The following HORMAD2 variants were observed in gnomAD, a reference collection of about 807,000 sequenced individuals.
The protein encoded by HORMAD2 is HORMA domain containing 2.
A neutral mutation model predicts 38.8 loss-of-function variants in HORMAD2; 45 were observed. The observed-to-expected ratio is 1.16, with a 90% CI of 0.91 to 1.49. The LOEUF is 1.49. Ranked by LOEUF, HORMAD2 falls within the 40% of genes most tolerant of loss-of-function variation. The pLI is 0.00. For missense variants in HORMAD2, 338 were observed against 367.0 expected, an observed-to-expected ratio of 0.92 and a Z score of 0.65; for synonymous variants, 126 against 122.8, an observed-to-expected ratio of 1.03 and a Z score of -0.17.
chr22:30,154,677 T>A (rs568261290), intron 10 of HORMAD2, among the ~76,000 whole-genome samples: 1 of 152,320 alleles, frequency 6.6e-6, no homozygotes, highest in African/African-American at 2.4e-5. Flanking sequence ...CCTTGACATG[T>A]TTTAATAGAA....
intron 6 of HORMAD2, 114 bp from the exon 7 acceptor site, chr22:30,112,382 A>C: frequency 1.6e-6 from 1 of 621,308 alleles, no homozygotes; most frequent in Admixed American, 3.5e-5. Flanking sequence ...CTTAAAATAT[A>C]TGTCTGTACT....
chr22:30,120,371 A>T (rs186718646), intron 8 of HORMAD2, among the ~76,000 whole-genome samples: 1 of 152,334 alleles, frequency 6.6e-6, no homozygotes, highest in East Asian at 1.9e-4. Context: ...AAAGGAGCTA[A>T]TGTATTCACT....
At position 30,121,741 on chromosome 22, in the gene HORMAD2, C is replaced by T; in HGVS notation, c.520C>T (p.Leu174Phe). 6.2e-7 allele frequency: 1 copy of T among 1,612,710 alleles called. No homozygotes were observed. Among genetic ancestry groups the T allele is most frequent in the Non-Finnish European group, 8.5e-7 (1 of 1,179,294 alleles). Reference sequence around the variant, plus strand: ...TATACTGATGCAGGACCTTGAGCCACTTCCTAATAATGTTGTACTTACTAT... The same window carrying T: ...TATACTGATGCAGGACCTTGAGCCATTTCCTAATAATGTTGTACTTACTAT... ...LYILMQDLEPLPNNVVLTMKL... is the reference protein window; with the variant it reads ...LYILMQDLEPFPNNVVLTMKL... The change falls in exon 9 of 11, where the codon CTT becomes TTT. Residue 174 changes from leucine to phenylalanine, a missense_variant. Leu to Phe is a conservative substitution (Grantham distance 22). Coordinates refer to ENST00000336726, the MANE Select transcript of HORMAD2 (RefSeq NM_152510.4).
downstream of HORMAD2, among the ~76,000 whole-genome samples, chr22:30,179,274 G>A (rs1185333960): frequency 6.6e-6 from 1 of 152,150 alleles, no homozygotes; most frequent in African/African-American, 2.4e-5. Flanking sequence ...TAAGAGTTAA[G>A]TCAAGGTCTG....
intron 3 of HORMAD2, among the ~76,000 whole-genome samples, chr22:30,101,865 A>G (rs1920948465): frequency 6.6e-6 from 1 of 152,108 alleles, no homozygotes. Flanking sequence ...CTAGGAATCC[A>G]AGACCAGCCT....
downstream of HORMAD2, among the ~76,000 whole-genome samples, chr22:30,177,466 G>C (rs1926519626): frequency 6.6e-6 from 1 of 152,186 alleles, no homozygotes. Context: ...AGGCAAGGAG[G>C]AGCATTTCCC....
chr22:30,189,305 C>G, the HORMAD2 span, among the ~76,000 whole-genome samples: 4 of 143,516 alleles, frequency 2.8e-5, no homozygotes, highest in African/African-American at 9.8e-5. Context: ...ACCACTTCAT[C>G]CAGATTCCAA....
intron 5 of HORMAD2, among the ~76,000 whole-genome samples, chr22:30,110,351 C>CA (rs1238364157): frequency 6.9e-6 from 1 of 145,704 alleles, no homozygotes; most frequent in African/African-American, 2.5e-5. Context: ...CTTTATAATG[C>CA]AAAAAAATTG....
At chr22:30,089,827 C>G (rs2068649323) in intron 1 of HORMAD2, among the ~76,000 whole-genome samples, 1 of 152,168 alleles carries the variant, frequency 6.6e-6, no homozygotes, top group Non-Finnish European at 1.5e-5. Context: ...CTATCCATTT[C>G]TAAAACCTTC....
At chr22:30,205,204 C>A in the HORMAD2 span, among the ~76,000 whole-genome samples, 1 of 152,156 alleles carries the variant, frequency 6.6e-6, no homozygotes, top group Admixed American at 6.5e-5. Flanking sequence ...ACCCACTTTA[C>A]AGATAGAATA....
intron 1 of HORMAD2, among the ~76,000 whole-genome samples, chr22:30,080,744 A>G (rs576408358): frequency 5.9e-5 from 9 of 152,154 alleles, no homozygotes; most frequent in Admixed American, 1.3e-4. Context: ...GTAGTTTTGA[A>G]ATTCAGATTT....
At chr22:30,129,236 AAAAAAAAAAAAAAAAAAAAAG>A (rs1233216214) in intron 10 of HORMAD2, among the ~76,000 whole-genome samples, 2,466 of 81,482 alleles carry the variant, frequency 0.03, 200 homozygotes, top group African/African-American at 0.086. Context: ...AAAAAAAAAA[AAAAAAAAAAAAAAAAAAAAAG>A]AGAGAGAGAG....
At chr22:30,123,363 C>T (rs889108898) in intron 10 of HORMAD2, among the ~76,000 whole-genome samples, 5 of 152,128 alleles carry the variant, frequency 3.3e-5, no homozygotes, top group Admixed American at 2.0e-4. Context: ...GAGACAGGGT[C>T]TCGCTCTGTT....
intron 10 of HORMAD2, among the ~76,000 whole-genome samples, chr22:30,126,559 C>T (rs1922881002): frequency 6.6e-6 from 1 of 152,102 alleles, no homozygotes; most frequent in Non-Finnish European, 1.5e-5. Flanking sequence ...TTTATTCATT[C>T]TATTGTTAAT....
chr22:30,157,101 C>T (rs551038669), intron 10 of HORMAD2, among the ~76,000 whole-genome samples: 2 of 152,344 alleles, frequency 1.3e-5, no homozygotes, highest in African/African-American at 4.8e-5. Context: ...CCACATCTCA[C>T]TCCTTTAGGA....
chr22:30,206,013 G>A, the HORMAD2 span, among the ~76,000 whole-genome samples: 2 of 152,072 alleles, frequency 1.3e-5, no homozygotes, highest in East Asian at 1.9e-4. Context: ...CATCAGAAGG[G>A]TGACAACCTA....
the HORMAD2 span, among the ~76,000 whole-genome samples, chr22:30,187,323 A>C: frequency 6.6e-6 from 1 of 152,184 alleles, no homozygotes; most frequent in Non-Finnish European, 1.5e-5. Context: ...TAATTTGCTT[A>C]ATGTCACCAC....
intron 5 of HORMAD2, among the ~76,000 whole-genome samples, chr22:30,110,530 C>T (rs1242363400): frequency 6.6e-6 from 1 of 151,806 alleles, no homozygotes; most frequent in African/African-American, 2.4e-5. Flanking sequence ...GGATTACAGG[C>T]ACAAGCCGCC....
chr22:30,095,690 T>G (rs1472330246), intron 2 of HORMAD2, among the ~76,000 whole-genome samples: 1 of 152,208 alleles, frequency 6.6e-6, no homozygotes, highest in Admixed American at 6.5e-5. Flanking sequence ...AAATGCATAT[T>G]TGGATTAAGA....
Sources: allele counts gnomAD v4.1 joint callset (sites outside exome capture counted in the v4.1 genomes callset), GRCh38; gene constraint gnomAD v4.1.1; transcripts MANE v1.5; gene names NCBI Gene and HGNC (gene_info 2026-07-23, HGNC 2026-07-21).